Variants in CACNA1C observed in about 807,000 individuals in gnomAD.
CACNA1C encodes voltage-dependent L-type calcium channel subunit alpha-1C.
CACNA1C carries 30 observed loss-of-function variants against 229.0 expected under a neutral mutation model. That is an observed-to-expected ratio of 0.13 (90% CI 0.10 to 0.18). The LOEUF (loss-of-function observed/expected upper bound fraction) is 0.18. Ranked by LOEUF, CACNA1C falls within the 10% of genes least tolerant of loss-of-function variation. The probability of loss-of-function intolerance (pLI) is 1.00; values close to 1 mark genes in which losing one functional copy is unlikely to be tolerated. For synonymous variants in CACNA1C, 1,114 were observed against 1,132.5 expected (o/e 0.98, Z 0.33); for missense variants, 1,658 against 2,845.0 (o/e 0.58, Z 9.49).
intron 3 of CACNA1C, among the ~76,000 whole-genome samples, chr12:2,193,855 C>T (rs1468789634): frequency 2.6e-5 from 4 of 152,196 alleles, no homozygotes; most frequent in Non-Finnish European, 5.9e-5. Context: ...AGAGGAGGAA[C>T]GTGTCCTCTC....
At chr12:2,026,485 A>G (rs2047348326) in intron 1 of CACNA1C, among the ~76,000 whole-genome samples, 3 of 152,166 alleles carry the variant, frequency 2.0e-5, no homozygotes, top group African/African-American at 7.2e-5. Context: ...CAAAGGTGAG[A>G]GGTGAGGAGA....
At chr12:2,503,024 G>T (rs551700177) in intron 7 of CACNA1C, among the ~76,000 whole-genome samples, 7 of 152,336 alleles carry the variant, frequency 4.6e-5, no homozygotes, top group African/African-American at 1.7e-4. Flanking sequence ...ACCACACTTT[G>T]AGGAACACTG....
At chr12:2,063,925 A>G (rs996021330) in intron 1 of CACNA1C, among the ~76,000 whole-genome samples, 5 of 152,232 alleles carry the variant, frequency 3.3e-5, no homozygotes, top group Admixed American at 1.3e-4. Flanking sequence ...TGGCCCTGCA[A>G]TATGACTTTT....
chr12:2,587,844 C>T (rs528476186), intron 18 of CACNA1C, among the ~76,000 whole-genome samples: 1 of 152,294 alleles, frequency 6.6e-6, no homozygotes, highest in East Asian at 1.9e-4. Flanking sequence ...CTGGTCCATA[C>T]CCTGAGGCTG....
intron 10 of CACNA1C, among the ~76,000 whole-genome samples, chr12:2,553,699 CTG>C (rs1255533055): frequency 1.3e-5 from 2 of 152,096 alleles, no homozygotes; most frequent in African/African-American, 2.4e-5. Context: ...GGTGTGGAGT[CTG>C]TGTGGTATCG....
intron 43 of CACNA1C, among the ~76,000 whole-genome samples, chr12:2,684,754 A>G (rs1431147151): frequency 1.3e-5 from 2 of 152,246 alleles, no homozygotes; most frequent in Non-Finnish European, 1.5e-5. Flanking sequence ...GGTGATTTGC[A>G]TAAGAAGAAA....
intron 3 of CACNA1C, among the ~76,000 whole-genome samples, chr12:2,301,909 G>A (rs868024060): frequency 2.6e-5 from 4 of 152,178 alleles, no homozygotes; most frequent in East Asian, 1.9e-4. Flanking sequence ...GAGGAGACTC[G>A]TGGGCAGGCT....
chr12:2,616,391 A>G (rs372371576), intron 29 of CACNA1C, among the ~76,000 whole-genome samples: 1 of 152,302 alleles, frequency 6.6e-6, no homozygotes, highest in African/African-American at 2.4e-5. Flanking sequence ...TATATAGTGG[A>G]GCCCCTCTTG....
At chr12:2,141,183 G>C (rs1306781782) in intron 3 of CACNA1C, among the ~76,000 whole-genome samples, 1 of 151,120 alleles carries the variant, frequency 6.6e-6, no homozygotes, top group Non-Finnish European at 1.5e-5. Flanking sequence ...GGGCAGACAG[G>C]GGCTGAATTA....
chr12:2,194,250 GCCTCCTCCTCCTCCTCCT>G (rs56198094), intron 3 of CACNA1C, among the ~76,000 whole-genome samples: 40 of 133,678 alleles, frequency 3.0e-4, no homozygotes, highest in Non-Finnish European at 5.8e-4. Context: ...CTCCTCCACT[GCCTCCTCCTCCTCCTCCT>G]CCTCCTCCTG....
At chr12:2,652,320 C>G (rs1283088474) in intron 32 of CACNA1C, among the ~76,000 whole-genome samples, 2 of 152,220 alleles carry the variant, frequency 1.3e-5, no homozygotes, top group Non-Finnish European at 2.9e-5. Context: ...GCCATGTGAT[C>G]AGTTCCTCCG....
In CACNA1C at chr12:2,145,141, C is replaced by G. The variant is rs115921954; in HGVS notation, c.477+24711C>G. On this transcript the variant is annotated intron_variant, in intron 3 of 46. Transcript: ENST00000399655. ...GCTAAGGGCTGCCTGCTGTCATTACCTATTAGCAAGACTTTAAATTCTGAC... is the reference window on the plus strand; with the variant it reads ...GCTAAGGGCTGCCTGCTGTCATTACGTATTAGCAAGACTTTAAATTCTGAC... Among the ~76,000 whole-genome samples, 1,500 of 151,400 alleles carry G rather than the reference C, an allele frequency of 9.9e-3. 36 individuals are homozygous for G. The highest frequency in any genetic ancestry group is 0.034 in the African/African-American group (1,411 of 41,464).
In CACNA1C at chr12:2,691,050, C is replaced by G. The variant is rs2097780990; in HGVS notation, c.6268C>G (p.Pro2090Ala). 4.4e-6 allele frequency: 7 copies of G among 1,606,158 alleles called. No homozygotes were observed. The highest frequency in any genetic ancestry group is 5.9e-6 in the Non-Finnish European group (7 of 1,176,600). Residue 2090 changes from proline (P) to alanine (A), a missense_variant, in exon 47 of 47, where the codon CCC (proline) becomes GCC (alanine). This residue lies in a region of CACNA1C where 590 missense variants were observed against 700.8 expected (regional missense o/e 0.84). Transcript: ENST00000399655. Reference sequence around the variant, plus strand: ...CCTCAGCGGGGGCGCCCCACAGAGCCCCAATGGCGCCCTCTTACCCTTTGT... The same window carrying G: ...CCTCAGCGGGGGCGCCCCACAGAGCGCCAATGGCGCCCTCTTACCCTTTGT... ...NILSGGAPQS[P>A]NGALLPFVNC...
chr12:2,248,643 C>T (rs910466938), intron 3 of CACNA1C, among the ~76,000 whole-genome samples: 5 of 152,328 alleles, frequency 3.3e-5, no homozygotes, highest in African/African-American at 9.6e-5. Context: ...ATCACGCTCC[C>T]GTGTTCAAAG....
intron 1 of CACNA1C, among the ~76,000 whole-genome samples, chr12:2,040,308 GA>G (rs1197781059): frequency 6.6e-6 from 1 of 152,150 alleles, no homozygotes; most frequent in Non-Finnish European, 1.5e-5. Context: ...GCTCTCTGCA[GA>G]ACATCCATCT....
intron 29 of CACNA1C, among the ~76,000 whole-genome samples, chr12:2,620,815 G>A (rs2082832658): frequency 2.0e-5 from 3 of 152,200 alleles, no homozygotes; most frequent in South Asian, 2.1e-4. Context: ...CATCAATGGC[G>A]GGAGCTGTTT....
chr12:1,994,326 G>A (rs1474093431), intron 1 of CACNA1C, among the ~76,000 whole-genome samples: 1 of 152,220 alleles, frequency 6.6e-6, no homozygotes, highest in Non-Finnish European at 1.5e-5. Context: ...AATGTTATGA[G>A]CAACAGGAAG....
chr12:2,495,121 T>C (rs2099744052), intron 7 of CACNA1C, among the ~76,000 whole-genome samples: 1 of 152,188 alleles, frequency 6.6e-6, no homozygotes, highest in South Asian at 2.1e-4. Context: ...CTGGAAAACA[T>C]TTCTGAGATT....
At chr12:2,309,490 C>A (rs942329283) in intron 3 of CACNA1C, among the ~76,000 whole-genome samples, 1 of 149,822 alleles carries the variant, frequency 6.7e-6, no homozygotes, top group Non-Finnish European at 1.5e-5. Context: ...CACACACACA[C>A]ATACACACAC....
Sources: allele counts gnomAD v4.1 joint callset (sites outside exome capture counted in the v4.1 genomes callset), GRCh38; gene constraint gnomAD v4.1.1; regional missense constraint gnomAD v4.1.1; transcripts MANE v1.5; gene names NCBI Gene and HGNC (gene_info 2026-07-23, HGNC 2026-07-21).